The following PTCHD4 variants were observed in gnomAD, a reference collection of about 807,000 sequenced individuals.
The protein encoded by PTCHD4 is patched domain containing 4.
Under a neutral mutation model 58.1 loss-of-function variants are expected in PTCHD4, and 33 were observed. The observed-to-expected ratio is 0.57, with a 90% CI of 0.43 to 0.76. PTCHD4 has a LOEUF of 0.76. PTCHD4 is among the 30% of genes least tolerant of loss of function. PTCHD4 has a pLI of 0.00. For missense variants in PTCHD4, 1,058 were observed against 1,027.1 expected (o/e 1.03, Z -0.41); for synonymous variants, 478 against 409.6 (o/e 1.17, Z -2.02).
chr6:48,010,134 A>C (rs1762613571), intron 3 of PTCHD4, among the ~76,000 whole-genome samples: 1 of 152,218 alleles, frequency 6.6e-6, no homozygotes, highest in African/African-American at 2.4e-5. Flanking sequence ...AGAATACTGA[A>C]GCTAGTAGCA....
chr6:47,872,788 A>C lies in PTCHD4; in HGVS notation c.*5515T>G, dbSNP rs979143967. ...CCATTTAATTTTTACATCTTTAGAGATGCAGAAGACATAAAATGTGATTTG... is the reference window on the plus strand; with the variant it reads ...CCATTTAATTTTTACATCTTTAGAGCTGCAGAAGACATAAAATGTGATTTG... On this transcript the variant is annotated 3_prime_UTR_variant, in exon 5 of 5. Coordinates refer to ENST00000339488, the MANE Select transcript of PTCHD4 (RefSeq NM_001384253.1). Among the ~76,000 whole-genome samples the C allele has an allele frequency of 2.0e-5, 3 of 151,622 alleles. No homozygotes were observed. The highest frequency in any genetic ancestry group is 7.2e-5 in the African/African-American group (3 of 41,384).
chr6:47,922,964 C>T, intron 4 of PTCHD4, among the ~76,000 whole-genome samples: 1 of 152,134 alleles, frequency 6.6e-6, no homozygotes, highest in East Asian at 1.9e-4. Context: ...GCTTGTCTAT[C>T]TGAATATTTA....
At chr6:48,081,772 G>A (rs1765172816) in intron 1 of PTCHD4, among the ~76,000 whole-genome samples, 1 of 152,162 alleles carries the variant, frequency 6.6e-6, no homozygotes, top group African/African-American at 2.4e-5. Flanking sequence ...ATATAGTTGT[G>A]TGTGAAAAAT....
chr6:48,096,729 G>A (rs1201263696), intron 1 of PTCHD4, among the ~76,000 whole-genome samples: 1 of 152,094 alleles, frequency 6.6e-6, no homozygotes, highest in African/African-American at 2.4e-5. Flanking sequence ...GGGCAATATT[G>A]TGATGGGCCT....
chr6:48,034,589 T>C (rs1387228261), intron 3 of PTCHD4, among the ~76,000 whole-genome samples: 1 of 152,138 alleles, frequency 6.6e-6, no homozygotes. Context: ...GATAGTATTG[T>C]TGACATTTAA....
intron 1 of PTCHD4, among the ~76,000 whole-genome samples, chr6:48,104,461 T>G (rs536865673): frequency 7.2e-4 from 109 of 152,146 alleles, no homozygotes; most frequent in Admixed American, 3.9e-3. Context: ...GCACTAAACA[T>G]GGAAAGGAAC....
intron 3 of PTCHD4, among the ~76,000 whole-genome samples, chr6:48,010,636 A>C (rs548105784): frequency 6.6e-6 from 1 of 151,886 alleles, no homozygotes; most frequent in Non-Finnish European, 1.5e-5. Flanking sequence ...TCTGGGGTAC[A>C]TGTGCAGAAC....
chr6:47,858,599 T>G lies in PTCHD4; in HGVS notation c.*19704A>C, dbSNP rs1020049608. On this transcript the variant is annotated 3_prime_UTR_variant, in exon 5 of 5. Coordinates refer to ENST00000339488, the MANE Select transcript of PTCHD4 (RefSeq NM_001384253.1). ...TTGACCAACATAAATTATCAATTATTTTGGAGAGATTCTAATAAGGATAAA... is the reference window on the plus strand; with the variant it reads ...TTGACCAACATAAATTATCAATTATGTTGGAGAGATTCTAATAAGGATAAA... Among the ~76,000 whole-genome samples, 1 of 152,014 alleles carries G rather than the reference T, an allele frequency of 6.6e-6. No homozygotes were observed. The highest frequency in any genetic ancestry group is 1.5e-5 in the Non-Finnish European group (1 of 67,940).
chr6:47,918,526 A>T (rs923300180), intron 4 of PTCHD4, among the ~76,000 whole-genome samples: 1 of 152,190 alleles, frequency 6.6e-6, no homozygotes, highest in Non-Finnish European at 1.5e-5. Flanking sequence ...TTAAAAGAAA[A>T]GGATGAGTAA....
chr6:48,057,420 GC>G (rs1040945193), intron 3 of PTCHD4, among the ~76,000 whole-genome samples: 2 of 152,112 alleles, frequency 1.3e-5, no homozygotes, highest in Non-Finnish European at 2.9e-5. Context: ...ATTAATTTAT[GC>G]TAAGAAAGCT....
chr6:48,098,603 T>C (rs1427895958), intron 1 of PTCHD4, among the ~76,000 whole-genome samples: 1 of 152,194 alleles, frequency 6.6e-6, no homozygotes, highest in Non-Finnish European at 1.5e-5. Flanking sequence ...CCTCCCAAAG[T>C]GCTGGGATTA....
At chr6:47,987,837 C>T (rs371340540) in intron 4 of PTCHD4, among the ~76,000 whole-genome samples, 13 of 150,906 alleles carry the variant, frequency 8.6e-5, no homozygotes, top group Admixed American at 2.0e-4. Flanking sequence ...AGTACAGTGG[C>T]GTGATCTCAG....
intron 4 of PTCHD4, among the ~76,000 whole-genome samples, chr6:47,891,490 A>C (rs1032407417): frequency 7.9e-5 from 12 of 152,094 alleles, no homozygotes; most frequent in Admixed American, 5.2e-4. Flanking sequence ...AAATGGACTA[A>C]ATCTCTTCCT....
intron 4 of PTCHD4, among the ~76,000 whole-genome samples, chr6:47,930,715 G>A (rs917113829): frequency 1.6e-4 from 25 of 152,124 alleles, no homozygotes; most frequent in African/African-American, 6.0e-4. Context: ...CAACGTCCAG[G>A]AAATATTGTC....
intron 3 of PTCHD4, among the ~76,000 whole-genome samples, chr6:48,057,877 A>T (rs1764468250): frequency 6.6e-6 from 1 of 152,246 alleles, no homozygotes; most frequent in Admixed American, 6.5e-5. Context: ...AATAATCAAG[A>T]GATTCACATG....
At chr6:48,085,574 C>A (rs967437896) in intron 1 of PTCHD4, among the ~76,000 whole-genome samples, 5 of 152,134 alleles carry the variant, frequency 3.3e-5, no homozygotes, top group Admixed American at 6.5e-5. Flanking sequence ...GTTTTCAATT[C>A]TTTGAGAAAC....
rs574608705 is a variant in PTCHD4 at position 47,990,723 on chromosome 6, A to T, written c.898+17911T>A. On this transcript the variant is annotated intron_variant, in intron 4 of 4. Transcript: ENST00000339488. ...GTCTTTATCAGCAGTATGAAAATGG[A>T]CTAATACGTGTGCTTACCTTAATAA... Among the ~76,000 whole-genome samples the T allele has an allele frequency of 4.1e-3, 631 of 152,330 alleles. 7 individuals carry two copies. The highest frequency in any genetic ancestry group is 7.6e-3 in the Non-Finnish European group (515 of 68,026).
chr6:47,917,919 C>T (rs1218867457), intron 4 of PTCHD4, among the ~76,000 whole-genome samples: 2 of 152,120 alleles, frequency 1.3e-5, no homozygotes, highest in African/African-American at 4.8e-5. Context: ...AGAATTTCAT[C>T]TCCAGGCATA....
At chr6:48,031,607 G>A (rs1763443896) in intron 3 of PTCHD4, among the ~76,000 whole-genome samples, 1 of 152,078 alleles carries the variant, frequency 6.6e-6, no homozygotes, top group South Asian at 2.1e-4. Context: ...AAGCCGTGGG[G>A]GGAATCCATG....
Sources: allele counts gnomAD v4.1 joint callset (sites outside exome capture counted in the v4.1 genomes callset), GRCh38; gene constraint gnomAD v4.1.1; transcripts MANE v1.5; gene names NCBI Gene and HGNC (gene_info 2026-07-23, HGNC 2026-07-21).